SMPX: variants seen among roughly 807,000 people sequenced by gnomAD.
SMPX encodes small muscle protein X-linked.
In SMPX, 2 loss-of-function variants were observed where a neutral mutation model predicts 6.3. That is an observed-to-expected ratio of 0.32 (90% CI 0.13 to 0.99). The LOEUF is 0.99. Among genes scored for constraint, SMPX ranks in the 50% least tolerant of loss-of-function variants. The probability of loss-of-function intolerance (pLI) is 0.49; values close to 1 mark genes in which losing one functional copy is unlikely to be tolerated. For missense variants in SMPX, 60 were observed against 66.8 expected (o/e 0.90, Z 0.36); for synonymous variants, 32 against 24.7 (o/e 1.30, Z -0.88).
At chrX:21,741,642 G>A (rs1169771193) in intron 3 of SMPX, among the ~76,000 whole-genome samples, 1 of 111,235 alleles carries the variant, frequency 9.0e-6, no homozygotes, top group Non-Finnish European at 1.9e-5. Flanking sequence ...CACAAATCCT[G>A]AGAGTTTATT....
At chrX:21,757,271 T>A (rs1341573937) in intron 1 of SMPX, among the ~76,000 whole-genome samples, 3 of 111,709 alleles carry the variant, frequency 2.7e-5, no homozygotes, top group Non-Finnish European at 5.6e-5. Flanking sequence ...CTGAACTGAC[T>A]AACTCCTTAT....
intron 4 of SMPX, among the ~76,000 whole-genome samples, chrX:21,715,941 G>A (rs765390148): frequency 1.3e-4 from 15 of 112,051 alleles, no homozygotes; most frequent in African/African-American, 4.5e-4. Context: ...CTGGTTTAGA[G>A]ACAGCTGTTT....
At chrX:21,732,456 T>C (rs1033181677) in intron 4 of SMPX, among the ~76,000 whole-genome samples, 8 of 111,726 alleles carry the variant, frequency 7.2e-5, no homozygotes, top group African/African-American at 2.0e-4. Flanking sequence ...GAGAAGCTAG[T>C]CTTTCTTTTA....
At chrX:21,710,504 A>C (rs887650752) in intron 4 of SMPX, among the ~76,000 whole-genome samples, 5 of 111,838 alleles carry the variant, frequency 4.5e-5, no homozygotes, top group African/African-American at 1.6e-4. Context: ...ATCACTATAC[A>C]ATTCATCTGT....
At chrX:21,726,336 G>A (rs1283928275) in intron 4 of SMPX, among the ~76,000 whole-genome samples, 3 of 112,190 alleles carry the variant, frequency 2.7e-5, no homozygotes, top group Non-Finnish European at 3.8e-5. Context: ...TCAGCAGTCA[G>A]TACCAATGAA....
At chrX:21,714,769 C>A (rs200055485) in intron 4 of SMPX, among the ~76,000 whole-genome samples, 4 of 112,605 alleles carry the variant, frequency 3.6e-5, no homozygotes, top group Non-Finnish European at 7.5e-5. Context: ...TCTACTGAAG[C>A]TGCATATTTT....
intron 1 of SMPX, among the ~76,000 whole-genome samples, chrX:21,755,877 G>A (rs58286252): frequency 9.0e-6 from 1 of 111,403 alleles, no homozygotes; most frequent in African/African-American, 3.3e-5. Flanking sequence ...TTTTTAATAC[G>A]GTTACAAAAT....
intron 2 of SMPX, among the ~76,000 whole-genome samples, chrX:21,746,248 T>C (rs1252689724): frequency 9.0e-6 from 1 of 111,642 alleles, no homozygotes; most frequent in Non-Finnish European, 1.9e-5. Context: ...ACAACAAACT[T>C]TTGAGGTTAG....
chrX:21,733,731 C>A (rs1250035517), intron 4 of SMPX: 1 of 327,788 alleles, frequency 3.1e-6, no homozygotes, highest in Non-Finnish European at 5.9e-6. Context: ...CTCTTCAATT[C>A]TTTGATATCA....
chrX:21,754,280 G>A lies in SMPX; in HGVS notation c.11C>T (p.Ser4Leu). MNM[S>L]KQPVSNVRAI... is the part of the protein sequence containing the mutation. ...TCTAACATTGGAAACTGGCTGTTTC[G>A]ACATATTCATGCAGTCTTATCCCTA... The change falls in exon 2 of 5, where the codon TCG becomes TTG. Residue 4 changes from serine to leucine, a missense_variant. Transcript: ENST00000379494. 1 of 1,208,123 alleles carries A rather than the reference G, an allele frequency of 8.3e-7. No homozygotes were observed. Among genetic ancestry groups the A allele is most frequent in the Non-Finnish European group, 1.1e-6 (1 of 892,284 alleles).
At chrX:21,710,184 A>G (rs1041400905) in intron 4 of SMPX, among the ~76,000 whole-genome samples, 1 of 112,286 alleles carries the variant, frequency 8.9e-6, no homozygotes, top group African/African-American at 3.2e-5. Flanking sequence ...GAATGGATAA[A>G]GAAAATGTGG....
chrX:21,741,879 A>G (rs2092816428), intron 3 of SMPX, among the ~76,000 whole-genome samples: 1 of 112,313 alleles, frequency 8.9e-6, no homozygotes, highest in South Asian at 3.7e-4. Context: ...GGCCATTTGT[A>G]TACGTGGCTA....
intron 4 of SMPX, among the ~76,000 whole-genome samples, chrX:21,716,544 G>C (rs1412810509): frequency 8.9e-6 from 1 of 112,521 alleles, no homozygotes; most frequent in African/African-American, 3.2e-5. Flanking sequence ...ACATGGTAAA[G>C]CATTTAGCAG....
At position 21,752,473 on chromosome X, in the gene SMPX, C is replaced by T. The variant is rs145585566; in HGVS notation, c.45+1773G>A. The stretch of plus-strand genomic sequence containing the variant: ...ATAATAATTCTAATAATGGTTGACA[C>T]TCAATGCGTGCTTGCTATGCTGTTT... On this transcript the variant is annotated intron_variant, in intron 2 of 4. Transcript: ENST00000379494. 1.3e-4 allele frequency among the ~76,000 whole-genome samples: 15 copies of T among 111,597 alleles called. No individual in the cohort carries two copies. In the East Asian group the frequency reaches 4.2e-3, roughly 31 times the overall value.
intron 4 of SMPX, among the ~76,000 whole-genome samples, chrX:21,715,341 T>G (rs2092783861): frequency 9.3e-6 from 1 of 108,104 alleles, no homozygotes; most frequent in African/African-American, 3.4e-5. Context: ...GGTGGGGGGT[T>G]AAACCACCTA....
intron 4 of SMPX, among the ~76,000 whole-genome samples, chrX:21,714,594 C>A (rs2092782198): frequency 9.0e-6 from 1 of 111,520 alleles, no homozygotes; most frequent in African/African-American, 3.3e-5. Flanking sequence ...CATTTATTAA[C>A]CCCCCCACCC....
intron 4 of SMPX, among the ~76,000 whole-genome samples, chrX:21,724,864 G>A (rs1196539418): frequency 8.9e-6 from 1 of 112,276 alleles, no homozygotes; most frequent in African/African-American, 3.2e-5. Context: ...TATGAAGTTC[G>A]AAAGAGAGAA....
chrX:21,740,841 T>G (rs1474513554), intron 3 of SMPX, among the ~76,000 whole-genome samples: 1 of 112,187 alleles, frequency 8.9e-6, no homozygotes, highest in South Asian at 3.7e-4. Flanking sequence ...AGGGAAATAA[T>G]TAACAGAAAA....
At chrX:21,743,940 T>C (rs1342021235) in intron 2 of SMPX, 104 bp from the exon 3 acceptor site, 8 of 596,322 alleles carry the variant, frequency 1.3e-5, no homozygotes, top group Non-Finnish European at 2.0e-5. Context: ...GAAAAGTACA[T>C]CTTCAAAGCT....
Sources: gnomAD v4.1 joint callset for allele counts (sites outside exome capture counted in the v4.1 genomes callset) on GRCh38, gnomAD v4.1.1 for gene constraint, MANE v1.5 for transcripts, NCBI Gene and HGNC (gene_info 2026-07-23, HGNC 2026-07-21) for gene names.